The following MS4A4A variants were observed in gnomAD, a reference collection of about 807,000 sequenced individuals.
MS4A4A encodes the protein membrane-spanning 4-domains subfamily A member 4A.
A neutral mutation model predicts 28.0 loss-of-function variants in MS4A4A; 26 were observed. The ratio of observed to expected loss-of-function variants is 0.93; its 90% CI spans 0.68 to 1.29. The LOEUF is 1.29. Among genes scored for constraint, MS4A4A ranks in the 50% most tolerant of loss-of-function variants. The probability of loss-of-function intolerance (pLI) is 0.00; values close to 1 mark genes in which losing one functional copy is unlikely to be tolerated. For missense variants in MS4A4A, 290 were observed against 293.1 expected (o/e 0.99, Z 0.08); for synonymous variants, 86 against 100.8 (o/e 0.85, Z 0.88).
At chr11:60,299,310 C>A (rs2084930386) in intron 3 of MS4A4A, among the ~76,000 whole-genome samples, 1 of 151,912 alleles carries the variant, frequency 6.6e-6, no homozygotes, top group African/African-American at 2.4e-5. Context: ...GTAAATATAC[C>A]CAGAATAGTA....
At chr11:60,295,266 T>A (rs2084895816) in intron 2 of MS4A4A, among the ~76,000 whole-genome samples, 1 of 152,116 alleles carries the variant, frequency 6.6e-6, no homozygotes, top group Non-Finnish European at 1.5e-5. Context: ...AATGGCATTA[T>A]GTTTTTAATT....
chr11:60,297,017 A>G, intron 2 of MS4A4A, 180 bp from the exon 3 acceptor site: 1 of 722,674 alleles, frequency 1.4e-6, no homozygotes, highest in Non-Finnish European at 2.2e-6. Context: ...GCGAGAGATA[A>G]TATTGGTAAG....
chr11:60,297,334 A>G lies in MS4A4A; in HGVS notation c.330+9A>G, dbSNP rs759376322. ...TTTGGGGGTCAGTAATGGTGAGTAG[A>G]GTATCTTTTGATATAATTGAAGATA... On this transcript the variant is annotated intron_variant, in intron 3 of 6. Transcript: ENST00000337908. 1 of 1,612,528 alleles carries G rather than the reference A, an allele frequency of 6.2e-7. No individual in the cohort carries two copies. The highest frequency in any genetic ancestry group is 1.1e-5 in the South Asian group (1 of 90,988).
chr11:60,306,312 C>A, intron 6 of MS4A4A, 111 bp downstream of exon 6: 1 of 919,520 alleles, frequency 1.1e-6, no homozygotes, highest in Non-Finnish European at 1.7e-6. Flanking sequence ...CTCTCAGTTT[C>A]CATGGTTCAA....
chr11:60,306,162 T>C lies in MS4A4A; in HGVS notation c.609T>C (p.Ser203=), dbSNP rs371811520. ...VLEFCIAVSL[S]AFGCKVLCCT... is the part of the protein sequence containing the mutation. ...AATTCTGCATTGCTGTGTCCCTCTC[T>C]GCCTTTGGATGTAAAGTGCTCTGTT... The change falls in exon 6 of 7, where the codon TCT becomes TCC. Residue 203 remains serine (S), a synonymous_variant. Coordinates refer to ENST00000337908, the MANE Select transcript of MS4A4A (RefSeq NM_148975.3). 2.5e-6 allele frequency: 4 copies of C among 1,613,990 alleles called. No individual in the cohort carries two copies. Among genetic ancestry groups the C allele is most frequent in the Non-Finnish European group, 3.4e-6 (4 of 1,179,896 alleles).
intron 2 of MS4A4A, 131 bp from the exon 3 acceptor site, chr11:60,297,066 A>G: frequency 9.3e-7 from 1 of 1,071,312 alleles, no homozygotes; most frequent in Non-Finnish European, 1.4e-6. Context: ...AAGAGTGATA[A>G]GAGAATACTA....
chr11:60,298,200 G>C (rs1208048303), intron 3 of MS4A4A, among the ~76,000 whole-genome samples: 2 of 152,056 alleles, frequency 1.3e-5, no homozygotes, highest in Admixed American at 1.3e-4. Flanking sequence ...ATTGAAGAGA[G>C]AAAAATAAAA....
intron 2 of MS4A4A, among the ~76,000 whole-genome samples, chr11:60,294,132 G>C (rs1387344103): frequency 6.6e-6 from 1 of 152,194 alleles, no homozygotes; most frequent in Non-Finnish European, 1.5e-5. Flanking sequence ...TAGTGCCAGT[G>C]TTCTGGATTT....
chr11:60,300,916 A>G (rs2084947968), intron 3 of MS4A4A, 85 bp from the exon 4 acceptor site: 1 of 936,688 alleles, frequency 1.1e-6, no homozygotes, highest in Non-Finnish European at 1.6e-6. Flanking sequence ...TAACATATCT[A>G]TCTAATTTAG....
chr11:60,297,411 T>G, intron 3 of MS4A4A, 86 bp downstream of exon 3: 1 of 1,458,050 alleles, frequency 6.9e-7, no homozygotes, highest in South Asian at 1.3e-5. Flanking sequence ...TCTAACCGTA[T>G]CTTGTAATTC....
chr11:60,303,489 C>T (rs1003619243), intron 5 of MS4A4A, among the ~76,000 whole-genome samples: 2 of 152,148 alleles, frequency 1.3e-5, no homozygotes, highest in Non-Finnish European at 2.9e-5. Flanking sequence ...GGGTGGGTCA[C>T]CTGAGGTCAG....
intron 3 of MS4A4A, among the ~76,000 whole-genome samples, chr11:60,300,422 C>G (rs1455610806): frequency 6.6e-6 from 1 of 151,942 alleles, no homozygotes; most frequent in Non-Finnish European, 1.5e-5. Flanking sequence ...CAAGACCATC[C>G]TGGCTAACAC....
chr11:60,294,892 A>ACTTCTTCTTCTT (rs71036569), intron 2 of MS4A4A, among the ~76,000 whole-genome samples: 4,307 of 130,644 alleles, frequency 0.033, 140 homozygotes, highest in East Asian at 0.065. Flanking sequence ...TACAACTACT[A>ACTTCTTCTTCTT]CTTCTTCTTC....
At chr11:60,288,801 G>A (rs2084824811) in intron 1 of MS4A4A, among the ~76,000 whole-genome samples, 1 of 152,208 alleles carries the variant, frequency 6.6e-6, no homozygotes, top group African/African-American at 2.4e-5. Flanking sequence ...ACCCCCTGGG[G>A]AGCCAGGGTT....
chr11:60,292,326 C>T lies in MS4A4A; in HGVS notation c.143C>T (p.Ser48Leu). Residue 48 changes from serine (S) to leucine (L), a missense_variant, in exon 2 of 7, where the codon TCA becomes TTA. Coordinates refer to ENST00000337908, the MANE Select transcript of MS4A4A (RefSeq NM_148975.3). ...CTGGGAAACATGGCTGTCATACATT[C>T]ACATCTGTGGAAAGGATTGCAAGAG... ...PQLGNMAVIH[S>L]HLWKGLQEKF... 1 of 1,610,740 alleles carries T rather than the reference C, an allele frequency of 6.2e-7. No homozygotes were observed. Among genetic ancestry groups the T allele is most frequent in the Non-Finnish European group, 8.5e-7 (1 of 1,178,560 alleles).
intron 1 of MS4A4A, among the ~76,000 whole-genome samples, chr11:60,289,623 GT>G (rs1836112705): frequency 1.4e-5 from 2 of 146,724 alleles, no homozygotes; most frequent in African/African-American, 5.0e-5. Flanking sequence ...GTGTGTGTGT[GT>G]TGATGATGAT....
intron 2 of MS4A4A, chr11:60,296,973 T>C: frequency 2.0e-6 from 1 of 508,708 alleles, no homozygotes; most frequent in South Asian, 2.1e-5. Flanking sequence ...GCATACTCCT[T>C]TTAACCTTGA....
intron 3 of MS4A4A, among the ~76,000 whole-genome samples, chr11:60,299,954 G>A (rs2084937712): frequency 6.6e-6 from 1 of 152,122 alleles, no homozygotes; most frequent in African/African-American, 2.4e-5. Context: ...CATCCCAAAT[G>A]TTCATGATGT....
chr11:60,297,568 G>C (rs1460060615), intron 3 of MS4A4A, among the ~76,000 whole-genome samples: 1 of 152,050 alleles, frequency 6.6e-6, no homozygotes, highest in Non-Finnish European at 1.5e-5. Flanking sequence ...CATTGCCAAA[G>C]ACCCAAACCA....
Sources: allele counts gnomAD v4.1 joint callset (sites outside exome capture counted in the v4.1 genomes callset), GRCh38; gene constraint gnomAD v4.1.1; transcripts MANE v1.5; gene names NCBI Gene and HGNC (gene_info 2026-07-23, HGNC 2026-07-21).